Variants in CNTN5 observed in about 807,000 individuals in gnomAD.
CNTN5 encodes contactin-5.
CNTN5 carries 77 observed loss-of-function variants against 129.1 expected under a neutral mutation model. The observed-to-expected ratio is 0.60, with a 90% CI of 0.50 to 0.72. CNTN5 has a LOEUF of 0.72. CNTN5 is among the 30% of genes least tolerant of loss of function. The pLI is 0.00. For synonymous variants in CNTN5, 509 were observed against 465.6 expected (o/e 1.09, Z -1.20); for missense variants, 1,478 against 1,328.8 (o/e 1.11, Z -1.75).
At chr11:99,515,250 A>C (rs866916707) in intron 2 of CNTN5, among the ~76,000 whole-genome samples, 1 of 152,106 alleles carries the variant, frequency 6.6e-6, no homozygotes. Flanking sequence ...CAAAAAAATT[A>C]ACAACTGTCA....
In CNTN5 at chr11:100,261,502, CA is replaced by C. The variant is rs1565380430; in HGVS notation, c.2164+5589del. Among the ~76,000 whole-genome samples, 9 of 152,186 alleles carry C rather than the reference CA, an allele frequency of 5.9e-5. 1 individual carries two copies. In the South Asian group the frequency reaches 1.9e-3, roughly 32 times the overall value. ...CCCGCATAGCCAAGACAATCCTAAG[CA>C]AAAAGAACAAACCTGGAGGCATCAC... is the stretch of plus-strand genomic sequence containing the variant. On this transcript the variant is annotated intron_variant, in intron 17 of 24. Coordinates refer to ENST00000524871, the MANE Select transcript of CNTN5 (RefSeq NM_014361.4).
intron 3 of CNTN5, among the ~76,000 whole-genome samples, chr11:99,579,639 A>T (rs11220533): frequency 0.96 from 128,314 of 133,060 alleles, 62,079 homozygotes; most frequent in South Asian, 1. Context: ...TTTGTCTGTT[A>T]TTGGTGTATA....
chr11:99,748,820 G>A (rs1944142584), intron 3 of CNTN5, among the ~76,000 whole-genome samples: 1 of 152,176 alleles, frequency 6.6e-6, no homozygotes, highest in South Asian at 2.1e-4. Flanking sequence ...ACTGGTAAAG[G>A]CAAATCTTCT....
At chr11:99,030,742 A>C (rs1863332480) in intron 1 of CNTN5, among the ~76,000 whole-genome samples, 1 of 150,918 alleles carries the variant, frequency 6.6e-6, no homozygotes, top group Non-Finnish European at 1.5e-5. Flanking sequence ...CTTATGAAAC[A>C]GACTTGTGCT....
chr11:99,946,124 G>C (rs1950549314), intron 7 of CNTN5, among the ~76,000 whole-genome samples: 1 of 151,984 alleles, frequency 6.6e-6, no homozygotes. Context: ...TCCTAAATCA[G>C]TGTTTTGTGA....
chr11:100,232,973 T>C (rs919353237), intron 16 of CNTN5, among the ~76,000 whole-genome samples: 1 of 152,198 alleles, frequency 6.6e-6, no homozygotes, highest in African/African-American at 2.4e-5. Flanking sequence ...AAACGTACTA[T>C]TTTTAGTTCC....
At chr11:100,325,564 A>G (rs1951773239) in intron 21 of CNTN5, among the ~76,000 whole-genome samples, 1 of 152,202 alleles carries the variant, frequency 6.6e-6, no homozygotes, top group African/African-American at 2.4e-5. Flanking sequence ...GCAAGCAATG[A>G]AATAGCCTCT....
intron 15 of CNTN5, among the ~76,000 whole-genome samples, chr11:100,206,777 CAAT>C (rs1444775053): frequency 6.6e-6 from 1 of 151,988 alleles, no homozygotes; most frequent in Non-Finnish European, 1.5e-5. Flanking sequence ...TCATACTAAA[CAAT>C]AAATTTTTTT....
chr11:99,085,881 T>TGTGCAACAATGTTGCACAAACG (rs1334860616), intron 1 of CNTN5, among the ~76,000 whole-genome samples: 2 of 152,168 alleles, frequency 1.3e-5, no homozygotes, highest in African/African-American at 4.8e-5. Flanking sequence ...GCACAATGTA[T>TGTGCAACAATGTTGCACAAACG]TACCTTTTCT....
At chr11:100,059,881 G>A (rs1943391586) in intron 9 of CNTN5, among the ~76,000 whole-genome samples, 1 of 152,084 alleles carries the variant, frequency 6.6e-6, no homozygotes, top group African/African-American at 2.4e-5. Flanking sequence ...ATATGTGCAA[G>A]GTTATTTATA....
chr11:99,338,469 T>C (rs1248602304), intron 2 of CNTN5, among the ~76,000 whole-genome samples: 3 of 152,208 alleles, frequency 2.0e-5, no homozygotes, highest in East Asian at 1.9e-4. Flanking sequence ...GTCTCTTTTT[T>C]CTTACGGCAG....
chr11:100,308,633 G>T, intron 21 of CNTN5, 165 bp downstream of exon 21: 1 of 1,326,732 alleles, frequency 7.5e-7, no homozygotes, highest in East Asian at 2.9e-5. Flanking sequence ...GTGTTATGTT[G>T]CTCATTAACT....
Position 99,859,286 on chromosome 11 carries a change from G to A in CNTN5, c.577+14024G>A, listed in dbSNP as rs112760499. 3.9e-3 allele frequency among the ~76,000 whole-genome samples: 590 copies of A among 152,174 alleles called. 2 individuals carry two copies. Among genetic ancestry groups the A allele is most frequent in the African/African-American group, 0.012 (479 of 41,520 alleles). ...CACGGCTCAGATTACTGAACTTAAC[G>A]TATGTAATATATCTGATGTACATAT... is the stretch of plus-strand genomic sequence containing the variant. On this transcript the variant is annotated intron_variant, in intron 6 of 24. Coordinates refer to ENST00000524871, the MANE Select transcript of CNTN5 (RefSeq NM_014361.4).
chr11:100,104,165 G>A lies in CNTN5; in HGVS notation c.1580+29871G>A, dbSNP rs61908114. ...GCTGGAATGCAGTAGTGAGATCTCC[G>A]CTCACTGCAACTTCCGCCTCCCAGG... On this transcript the variant is annotated intron_variant, in intron 13 of 24. Coordinates refer to ENST00000524871, the MANE Select transcript of CNTN5 (RefSeq NM_014361.4). Among the ~76,000 whole-genome samples the A allele has an allele frequency of 3.4e-5, 5 of 145,200 alleles. No individual in the cohort carries two copies. In the Admixed American group the frequency reaches 3.6e-4, roughly 10 times the overall value.
chr11:100,254,031 C>T lies in CNTN5; in HGVS notation c.2006-1729C>T, dbSNP rs1348145976. 2.0e-5 allele frequency among the ~76,000 whole-genome samples: 3 copies of T among 152,098 alleles called. No homozygotes were observed. The South Asian group carries it at 6.2e-4, about 31-fold the overall frequency. The stretch of plus-strand genomic sequence containing the variant: ...GACTTGACTCCATGGTTACCCACAG[C>T]ATTGTCATATTTGATGATAAACAAT... On this transcript the variant is annotated intron_variant, in intron 16 of 24. Coordinates refer to ENST00000524871, the MANE Select transcript of CNTN5 (RefSeq NM_014361.4).
chr11:99,512,038 T>C (rs916828859), intron 2 of CNTN5, among the ~76,000 whole-genome samples: 2 of 152,256 alleles, frequency 1.3e-5, no homozygotes, highest in East Asian at 3.9e-4. Flanking sequence ...AAATTTAGTG[T>C]AGCCTAAATG....
intron 3 of CNTN5, among the ~76,000 whole-genome samples, chr11:99,772,879 T>A (rs2135344845): frequency 6.6e-6 from 1 of 152,162 alleles, no homozygotes; most frequent in East Asian, 1.9e-4. Context: ...GTAGATCATG[T>A]AGTTTGAAAA....
chr11:99,860,366 A>G (rs1163605870), intron 6 of CNTN5, among the ~76,000 whole-genome samples: 3 of 152,104 alleles, frequency 2.0e-5, no homozygotes, highest in Non-Finnish European at 4.4e-5. Context: ...GGACTTAATC[A>G]TAAATTCTTT....
intron 13 of CNTN5, among the ~76,000 whole-genome samples, chr11:100,101,914 C>A (rs1945236947): frequency 6.6e-6 from 1 of 152,038 alleles, no homozygotes; most frequent in Non-Finnish European, 1.5e-5. Flanking sequence ...TATTTCCTTT[C>A]TTTTTATGGC....
Sources: allele counts gnomAD v4.1 joint callset (sites outside exome capture counted in the v4.1 genomes callset), GRCh38; gene constraint gnomAD v4.1.1; transcripts MANE v1.5; gene names NCBI Gene and HGNC (gene_info 2026-07-23, HGNC 2026-07-21).